MPP7: variants seen among roughly 807,000 people sequenced by gnomAD.
MPP7 encodes the protein MAGUK p55 scaffold protein 7.
A neutral mutation model predicts 76.5 loss-of-function variants in MPP7; 60 were observed. The ratio of observed to expected loss-of-function variants is 0.78; its 90% CI spans 0.64 to 0.97. The LOEUF (loss-of-function observed/expected upper bound fraction) is 0.97. MPP7 is among the 50% of genes least tolerant of loss of function. The probability of loss-of-function intolerance (pLI) is 0.00; values close to 1 mark genes in which losing one functional copy is unlikely to be tolerated. For missense variants in MPP7, 641 were observed against 694.0 expected, an observed-to-expected ratio of 0.92 and a Z score of 0.86; for synonymous variants, 237 against 244.5, an observed-to-expected ratio of 0.97 and a Z score of 0.29.
chr10:28,054,268 AT>A (rs777251504), intron 16 of MPP7, 24 bp from the exon 17 acceptor site: 73 of 1,452,832 alleles, frequency 5.0e-5, no homozygotes, highest in Admixed American at 2.5e-4. Flanking sequence ...TATTAAAAAA[AT>A]AATTGGTTAA....
chr10:28,096,491 A>C (rs1853575931), intron 11 of MPP7, among the ~76,000 whole-genome samples: 1 of 152,200 alleles, frequency 6.6e-6, no homozygotes, highest in Non-Finnish European at 1.5e-5. Flanking sequence ...TTTGGAGTAG[A>C]GTCTTCATAA....
intron 2 of MPP7, among the ~76,000 whole-genome samples, chr10:28,326,403 C>T (rs186267089): frequency 1.2e-4 from 18 of 152,196 alleles, no homozygotes; most frequent in South Asian, 4.1e-4. Flanking sequence ...GGTGTGGGTA[C>T]GACATTGATC....
At chr10:28,253,028 C>T (rs1412857772) in intron 1 of MPP7, among the ~76,000 whole-genome samples, 1 of 152,090 alleles carries the variant, frequency 6.6e-6, no homozygotes, top group Non-Finnish European at 1.5e-5. Context: ...CTTCCTCAGC[C>T]TCCCGAGCAG....
chr10:28,260,181 T>C (rs1322070044), intron 1 of MPP7, among the ~76,000 whole-genome samples: 1 of 152,226 alleles, frequency 6.6e-6, no homozygotes, highest in African/African-American at 2.4e-5. Flanking sequence ...ATCGACATAT[T>C]TGAGTCCATC....
At chr10:28,126,205 T>C (rs1835012993) in intron 6 of MPP7, among the ~76,000 whole-genome samples, 1 of 152,244 alleles carries the variant, frequency 6.6e-6, no homozygotes, top group South Asian at 2.1e-4. Flanking sequence ...CCTGTGCATG[T>C]ATTCAAGGCC....
intron 1 of MPP7, among the ~76,000 whole-genome samples, chr10:28,262,273 A>G (rs1290413156): frequency 1.8e-5 from 1 of 54,828 alleles, no homozygotes; most frequent in Non-Finnish European, 3.4e-5. Flanking sequence ...ATATATATAT[A>G]TATATTTTTT....
chr10:28,144,356 T>C (rs867574893), intron 5 of MPP7, among the ~76,000 whole-genome samples: 1 of 152,082 alleles, frequency 6.6e-6, no homozygotes, highest in African/African-American at 2.4e-5. Context: ...TGTGGCCATA[T>C]AATTTATCAC....
At chr10:28,234,958 A>G (rs1484416637) in intron 2 of MPP7, among the ~76,000 whole-genome samples, 1 of 152,186 alleles carries the variant, frequency 6.6e-6, no homozygotes, top group Non-Finnish European at 1.5e-5. Flanking sequence ...CTATAGGCAC[A>G]TGCCACTATG....
intron 12 of MPP7, among the ~76,000 whole-genome samples, chr10:28,085,294 CAG>C (rs1564622757): frequency 6.6e-6 from 1 of 152,240 alleles, no homozygotes; most frequent in African/African-American, 2.4e-5. Flanking sequence ...ATCTGTAAAA[CAG>C]GGAATAATAA....
At chr10:28,244,929 A>G (rs764077884) in intron 1 of MPP7, among the ~76,000 whole-genome samples, 1 of 152,150 alleles carries the variant, frequency 6.6e-6, no homozygotes, top group Non-Finnish European at 1.5e-5. Flanking sequence ...CAAACCATCT[A>G]CAACAATGAG....
At chr10:28,239,436 C>T (rs911913339) in intron 1 of MPP7, among the ~76,000 whole-genome samples, 3 of 151,944 alleles carry the variant, frequency 2.0e-5, no homozygotes, top group African/African-American at 4.8e-5. Flanking sequence ...TGTGAGTAAC[C>T]GGACCCAGCC....
At chr10:28,327,639 T>C (rs1013635899) in intron 2 of MPP7, among the ~76,000 whole-genome samples, 4 of 152,194 alleles carry the variant, frequency 2.6e-5, no homozygotes, top group Non-Finnish European at 5.9e-5. Context: ...TCCAGCGAGG[T>C]TTCTATTTTT....
chr10:28,209,582 A>ATATT (rs1185746136), intron 2 of MPP7, among the ~76,000 whole-genome samples: 2 of 152,144 alleles, frequency 1.3e-5, no homozygotes, highest in South Asian at 4.1e-4. Flanking sequence ...ACAATGAAAA[A>ATATT]TATTTAGTGA....
At chr10:28,124,988 T>C in intron 7 of MPP7, 22 bp downstream of exon 7, 2 of 1,603,598 alleles carry the variant, frequency 1.2e-6, no homozygotes, top group African/African-American at 2.7e-5. Flanking sequence ...AGTCTGTACT[T>C]GGTTAACATT....
intron 1 of MPP7, among the ~76,000 whole-genome samples, chr10:28,302,616 C>T (rs1019640841): frequency 1.2e-4 from 19 of 152,166 alleles, no homozygotes; most frequent in African/African-American, 4.6e-4. Context: ...CAACAGGGGT[C>T]TCCAGGGGTC....
chr10:28,143,260 A>G (rs1223119874), intron 5 of MPP7, among the ~76,000 whole-genome samples: 1 of 152,224 alleles, frequency 6.6e-6, no homozygotes, highest in Non-Finnish European at 1.5e-5. Flanking sequence ...TTCACAGAAG[A>G]AATAAAAACA....
chr10:28,177,593 C>G (rs868555126), intron 3 of MPP7, among the ~76,000 whole-genome samples: 4 of 152,016 alleles, frequency 2.6e-5, no homozygotes, highest in Non-Finnish European at 5.9e-5. Flanking sequence ...ATAGCATAAG[C>G]GGTTGATGGA....
At chr10:28,130,651 T>G (rs986853794) in intron 6 of MPP7, among the ~76,000 whole-genome samples, 1 of 152,204 alleles carries the variant, frequency 6.6e-6, no homozygotes, top group Non-Finnish European at 1.5e-5. Flanking sequence ...CTCTGTGTGT[T>G]TTTCATTGCG....
intron 1 of MPP7, among the ~76,000 whole-genome samples, chr10:28,274,101 C>CTTTTT (rs60127503): frequency 8.1e-5 from 10 of 123,656 alleles, no homozygotes; most frequent in South Asian, 2.6e-4. Flanking sequence ...AAATTTTTTT[C>CTTTTT]TTTTTTTTTT....
Sources: allele counts gnomAD v4.1 joint callset (sites outside exome capture counted in the v4.1 genomes callset), GRCh38; gene constraint gnomAD v4.1.1; transcripts MANE v1.5; gene names NCBI Gene and HGNC (gene_info 2026-07-23, HGNC 2026-07-21).